Variants in SLIT2 observed in about 807,000 individuals in gnomAD.
The protein encoded by SLIT2 is slit guidance ligand 2, also known as slit homolog 2 protein.
Under a neutral mutation model 185.7 loss-of-function variants are expected in SLIT2, and 41 were observed. The ratio of observed to expected loss-of-function variants is 0.22; its 90% CI spans 0.17 to 0.29. The LOEUF (loss-of-function observed/expected upper bound fraction) is 0.29, where lower values mean the gene tolerates loss of function less well. Ranked by LOEUF, SLIT2 falls within the 10% of genes least tolerant of loss-of-function variation. SLIT2 has a pLI of 1.00. For synonymous variants in SLIT2, 693 were observed against 680.2 expected (o/e 1.02, Z -0.29); for missense variants, 1,571 against 1,909.0 (o/e 0.82, Z 3.30).
At chr4:20,584,088 ATC>A (rs1726839380) in intron 29 of SLIT2, among the ~76,000 whole-genome samples, 1 of 152,068 alleles carries the variant, frequency 6.6e-6, no homozygotes, top group African/African-American at 2.4e-5. Flanking sequence ...TGTCTGCATG[ATC>A]CATATCTTCA....
At chr4:20,522,336 C>T (rs1227029266) in intron 12 of SLIT2, among the ~76,000 whole-genome samples, 2 of 152,092 alleles carry the variant, frequency 1.3e-5, no homozygotes, top group African/African-American at 4.8e-5. Context: ...GGATTATCTC[C>T]ATACCAACCC....
At chr4:20,404,036 G>A (rs1339842819) in intron 4 of SLIT2, among the ~76,000 whole-genome samples, 1 of 151,866 alleles carries the variant, frequency 6.6e-6, no homozygotes, top group Non-Finnish European at 1.5e-5. Context: ...GTCCAAATGT[G>A]GACTTGAACA....
chr4:20,399,737 A>T (rs1407797232), intron 4 of SLIT2, among the ~76,000 whole-genome samples: 1 of 151,794 alleles, frequency 6.6e-6, no homozygotes, highest in East Asian at 1.9e-4. Context: ...AGTTACAGTG[A>T]TATTACACTA....
intron 4 of SLIT2, among the ~76,000 whole-genome samples, chr4:20,330,974 A>G (rs1391734471): frequency 2.0e-5 from 3 of 152,120 alleles, no homozygotes; most frequent in Admixed American, 1.3e-4. Context: ...GTAAGCCTGT[A>G]AGAAAGTCAG....
chr4:20,254,907 C>G lies in SLIT2; in HGVS notation c.179+913C>G, dbSNP rs1229175562. ...CGCGCTCCGTTGCTCGCAGACGTCCCCGCCTCCCTGTCTTTGCGAGTCTCT... is the reference window on the plus strand; with the variant it reads ...CGCGCTCCGTTGCTCGCAGACGTCCGCGCCTCCCTGTCTTTGCGAGTCTCT... On this transcript the variant is annotated intron_variant, in intron 1 of 36. Transcript: ENST00000504154. This position sits in a 1 kb window ranked among gnomAD's most constrained non-coding sequence, Gnocchi z 5.1. The G allele has an allele frequency of 2.0e-5, 9 of 456,140 alleles. No homozygotes were observed. The highest frequency in any genetic ancestry group is 3.1e-5 in the South Asian group (2 of 64,566). 28.3% of individuals were successfully genotyped at this position (456,140 alleles called of 1,614,324 possible).
chr4:20,363,750 A>T (rs1218437967), intron 4 of SLIT2, among the ~76,000 whole-genome samples: 2 of 152,120 alleles, frequency 1.3e-5, no homozygotes, highest in East Asian at 3.9e-4. Context: ...CACTTCCATA[A>T]GGATCCAGAA....
Position 20,425,364 on chromosome 4 carries a change from C to A in SLIT2, c.396-42388C>A, listed in dbSNP as rs77540734. Among the ~76,000 whole-genome samples the A allele has an allele frequency of 3.6e-4, 55 of 151,976 alleles. No homozygotes were observed. In the East Asian group the frequency reaches 0.01, roughly 28 times the overall value. On this transcript the variant is annotated intron_variant, in intron 4 of 36. Transcript: ENST00000504154. ...CCTGGGAGATAGAGCGAGACACTAT[C>A]AAAAAAATAAATAAATAAACAAATA...
At chr4:20,431,507 T>C (rs1251912292) in intron 4 of SLIT2, among the ~76,000 whole-genome samples, 1 of 152,160 alleles carries the variant, frequency 6.6e-6, no homozygotes, top group Non-Finnish European at 1.5e-5. Flanking sequence ...AATTTCATGC[T>C]CTTTAACATC....
chr4:20,606,399 T>C (rs1181835583), intron 33 of SLIT2, among the ~76,000 whole-genome samples: 1 of 152,070 alleles, frequency 6.6e-6, no homozygotes, highest in East Asian at 1.9e-4. Context: ...GCAGGATCAC[T>C]TGAGTCCAGG....
chr4:20,472,258 C>CTATATATCTATATATATCTATA (rs1560452492), intron 5 of SLIT2, among the ~76,000 whole-genome samples: 1 of 31,246 alleles, frequency 3.2e-5, no homozygotes. Context: ...ATATATAGAT[C>CTATATATCTATATATATCTATA]TATATATAGA....
intron 9 of SLIT2, among the ~76,000 whole-genome samples, chr4:20,509,516 C>T (rs537698088): frequency 6.6e-6 from 1 of 152,206 alleles, no homozygotes; most frequent in East Asian, 1.9e-4. Flanking sequence ...ACCACCCTCC[C>T]AGTGTCTGTC....
At chr4:20,521,892 A>G (rs997786403) in intron 12 of SLIT2, among the ~76,000 whole-genome samples, 53 of 152,164 alleles carry the variant, frequency 3.5e-4, no homozygotes, top group Admixed American at 2.5e-3. Context: ...AGTATGTTAG[A>G]TAATGAGGCA....
chr4:20,322,750 C>T (rs4055019), intron 4 of SLIT2, among the ~76,000 whole-genome samples: 8,049 of 152,028 alleles, frequency 0.053, 447 homozygotes, highest in African/African-American at 0.14. Context: ...GTGTCTCTGC[C>T]CCATTTTAAT....
intron 33 of SLIT2, among the ~76,000 whole-genome samples, chr4:20,598,879 G>A (rs1291593033): frequency 6.6e-6 from 1 of 152,120 alleles, no homozygotes; most frequent in Non-Finnish European, 1.5e-5. Context: ...GGGCCACACT[G>A]CATGCCGGGA....
chr4:20,527,697 A>G (rs934554427), intron 15 of SLIT2, among the ~76,000 whole-genome samples: 3 of 152,240 alleles, frequency 2.0e-5, no homozygotes, highest in African/African-American at 7.2e-5. Context: ...ATAAAATTTT[A>G]CAAAGCATGA....
intron 4 of SLIT2, among the ~76,000 whole-genome samples, chr4:20,464,244 C>T (rs932462959): frequency 6.6e-5 from 10 of 152,092 alleles, no homozygotes; most frequent in African/African-American, 1.4e-4. Flanking sequence ...TAAATTTGAA[C>T]CTTTGACCCC....
intron 24 of SLIT2, among the ~76,000 whole-genome samples, chr4:20,549,447 AAATT>A (rs1723538827): frequency 1.3e-5 from 2 of 152,150 alleles, no homozygotes; most frequent in Non-Finnish European, 2.9e-5. Context: ...GAAACTTTCA[AAATT>A]AATTTCTTTA....
chr4:20,561,105 A>G (rs2148904838), intron 26 of SLIT2, among the ~76,000 whole-genome samples: 1 of 151,960 alleles, frequency 6.6e-6, no homozygotes, highest in East Asian at 1.9e-4. Flanking sequence ...AATCAAATGG[A>G]GTATAACACA....
At chr4:20,541,381 T>C in intron 19 of SLIT2, 72 bp from the exon 20 acceptor site, 1 of 1,313,156 alleles carries the variant, frequency 7.6e-7, no homozygotes, top group Non-Finnish European at 1.1e-6. Context: ...TGGAGAAGGG[T>C]AGCTGGGGTT....
Sources: allele counts gnomAD v4.1 joint callset (sites outside exome capture counted in the v4.1 genomes callset), GRCh38; gene constraint gnomAD v4.1.1; non-coding constraint Gnocchi (gnomAD v3.1); transcripts MANE v1.5; gene names NCBI Gene and HGNC (gene_info 2026-07-23, HGNC 2026-07-21).